JMJD1C: variants seen among roughly 807,000 people sequenced by gnomAD.
JMJD1C encodes the protein jumonji domain-containing protein 1C.
Under a neutral mutation model 245.3 loss-of-function variants are expected in JMJD1C, and 31 were observed. The ratio of observed to expected loss-of-function variants is 0.13; its 90% CI spans 0.09 to 0.17. The LOEUF (loss-of-function observed/expected upper bound fraction) is 0.17. JMJD1C is among the 10% of genes least tolerant of loss of function. The pLI is 1.00. For missense variants in JMJD1C, 2,691 were observed against 3,000.2 expected (o/e 0.90, Z 2.41); for synonymous variants, 1,057 against 1,017.4 (o/e 1.04, Z -0.74).
intron 1 of JMJD1C, among the ~76,000 whole-genome samples, chr10:63,488,276 G>A (rs1159358507): frequency 6.6e-6 from 1 of 152,190 alleles, no homozygotes; most frequent in African/African-American, 2.4e-5. Flanking sequence ...ACAAAGTGGT[G>A]ATCCATCAGA....
chr10:63,237,382 GT>G (rs1378717237), intron 3 of JMJD1C, among the ~76,000 whole-genome samples: 2 of 152,252 alleles, frequency 1.3e-5, no homozygotes, highest in African/African-American at 2.4e-5. Context: ...TGCAATGAAT[GT>G]AACTTCCAAA....
Position 63,503,208 on chromosome 10 carries a change from T to G in JMJD1C, n.113+18530A>C, listed in dbSNP as rs1301604000. Reference sequence around the variant, plus strand: ...GGCCATTTTTAATACTTCCAAAATCTAAATGAAACAATCATTTAAATGTGA... The same window carrying G: ...GGCCATTTTTAATACTTCCAAAATCGAAATGAAACAATCATTTAAATGTGA... On this transcript the variant is annotated intron_variant and non_coding_transcript_variant, in intron 1 of 3. Coordinates refer to the JMJD1C transcript ENST00000633035. 2.6e-5 allele frequency among the ~76,000 whole-genome samples: 4 copies of G among 152,194 alleles called. No homozygotes were observed. The East Asian group carries it at 7.7e-4, about 29-fold the overall frequency.
chr10:63,362,479 ATATAT>A (rs1423751572), intron 2 of JMJD1C, among the ~76,000 whole-genome samples: 1 of 21,922 alleles, frequency 4.6e-5, no homozygotes, highest in African/African-American at 6.6e-5. Flanking sequence ...TTATTTATAT[ATATAT>A]TTATTTATTT....
intron 1 of JMJD1C, among the ~76,000 whole-genome samples, chr10:63,436,241 G>A (rs1006926329): frequency 1.3e-5 from 2 of 152,186 alleles, no homozygotes; most frequent in African/African-American, 2.4e-5. Flanking sequence ...ATTTCTGTAA[G>A]CTAACCATAA....
chr10:63,207,372 C>A lies in JMJD1C; in HGVS notation c.4297G>T (p.Val1433Leu). 6.2e-7 allele frequency: 1 copy of A among 1,613,968 alleles called. No homozygotes were observed. The highest frequency in any genetic ancestry group is 8.5e-7 in the Non-Finnish European group (1 of 1,180,030). The change falls in exon 10 of 26, where the codon GTA becomes TTA. Residue 1433 changes from valine to leucine, a missense_variant. Val to Leu is a conservative substitution (Grantham distance 32, BLOSUM62 1). This residue lies in a region of JMJD1C where 1,562 missense variants were observed against 1,490.7 expected (regional missense o/e 1.05). Coordinates refer to ENST00000399262, the MANE Select transcript of JMJD1C (RefSeq NM_032776.3). ...TILASTSSEC[V>L]SSKSVSQPVA... Reference sequence around the variant, plus strand: ...GGCTGACTGACACTTTTTGAAGATACACATTCTGATGATGTAGAGGCCAAA... The same window carrying A: ...GGCTGACTGACACTTTTTGAAGATAAACATTCTGATGATGTAGAGGCCAAA...
At chr10:63,510,081 C>T (rs964058869) in intron 1 of JMJD1C, among the ~76,000 whole-genome samples, 1 of 151,744 alleles carries the variant, frequency 6.6e-6, no homozygotes. Context: ...CGGCTCACTG[C>T]AAGCTCCGCC....
intron 1 of JMJD1C, among the ~76,000 whole-genome samples, chr10:63,503,107 T>G (rs1254180030): frequency 6.6e-6 from 1 of 152,172 alleles, no homozygotes; most frequent in African/African-American, 2.4e-5. Context: ...AAGATATATT[T>G]AAAGACAAAG....
At chr10:63,220,818 G>C (rs980252766) in intron 3 of JMJD1C, among the ~76,000 whole-genome samples, 1 of 151,894 alleles carries the variant, frequency 6.6e-6, no homozygotes, top group Admixed American at 6.6e-5. Context: ...TTTTAAAGTG[G>C]ACAGGCAGGG....
intron 3 of JMJD1C, among the ~76,000 whole-genome samples, chr10:63,248,650 G>C (rs933842711): frequency 1.3e-5 from 2 of 152,070 alleles, no homozygotes; most frequent in African/African-American, 4.8e-5. Flanking sequence ...AATTAGTAGC[G>C]TTATTGTGAA....
At chr10:63,361,586 G>C (rs1233055803) in intron 2 of JMJD1C, among the ~76,000 whole-genome samples, 1 of 151,830 alleles carries the variant, frequency 6.6e-6, no homozygotes, top group Non-Finnish European at 1.5e-5. Flanking sequence ...TTAAAAATCA[G>C]CTTCCTCTCA....
At chr10:63,281,132 T>C (rs574095782) in intron 2 of JMJD1C, among the ~76,000 whole-genome samples, 16 of 82,462 alleles carry the variant, frequency 1.9e-4, no homozygotes, top group Non-Finnish European at 3.2e-4. Context: ...ACACCCGGCC[T>C]TTTTTTTTTT....
intron 1 of JMJD1C, among the ~76,000 whole-genome samples, chr10:63,424,997 A>C (rs546844206): frequency 1.2e-4 from 18 of 152,292 alleles, no homozygotes; most frequent in East Asian, 1.2e-3. Flanking sequence ...TCACCAACTT[A>C]CCAGCTTGAA....
intron 22 of JMJD1C, among the ~76,000 whole-genome samples, chr10:63,181,835 T>C (rs1843524122): frequency 1.3e-5 from 2 of 152,186 alleles, no homozygotes; most frequent in Non-Finnish European, 2.9e-5. Flanking sequence ...TGTAACTCCA[T>C]GGCATCACAG....
chr10:63,308,606 T>C (rs529126547), intron 2 of JMJD1C, among the ~76,000 whole-genome samples: 29 of 120,740 alleles, frequency 2.4e-4, no homozygotes, highest in African/African-American at 8.0e-4. Flanking sequence ...TAAGCTGCTA[T>C]AGGAAAAAAA....
At chr10:63,321,258 G>C (rs1413446015) in intron 2 of JMJD1C, among the ~76,000 whole-genome samples, 1 of 152,210 alleles carries the variant, frequency 6.6e-6, no homozygotes, top group Non-Finnish European at 1.5e-5. Flanking sequence ...TCTGACCTTT[G>C]TGAATTGCTC....
chr10:63,256,154 T>C (rs1273699408), intron 3 of JMJD1C, among the ~76,000 whole-genome samples: 4 of 152,192 alleles, frequency 2.6e-5, no homozygotes, highest in African/African-American at 4.8e-5. Flanking sequence ...CAGTGACTTA[T>C]AAATGTTTTT....
intron 1 of JMJD1C, 122 bp downstream of exon 1, chr10:63,465,373 C>G: frequency 9.4e-7 from 1 of 1,061,320 alleles, no homozygotes; most frequent in Non-Finnish European, 1.3e-6. Flanking sequence ...AAGGGTTCAG[C>G]AGAGGGGCGT....
chr10:63,355,750 A>T (rs954193140), intron 2 of JMJD1C, among the ~76,000 whole-genome samples: 6 of 152,168 alleles, frequency 3.9e-5, no homozygotes, highest in African/African-American at 1.4e-4. Context: ...TTATTAAAAA[A>T]AAAAAGGTAA....
intron 1 of JMJD1C, among the ~76,000 whole-genome samples, chr10:63,455,832 A>C (rs1952374005): frequency 6.6e-6 from 1 of 152,178 alleles, no homozygotes; most frequent in Admixed American, 6.5e-5. Context: ...AAAGAAAGCA[A>C]TTCAAAAAGG....
Sources: allele counts gnomAD v4.1 joint callset (sites outside exome capture counted in the v4.1 genomes callset), GRCh38; gene constraint gnomAD v4.1.1; regional missense constraint gnomAD v4.1.1; transcripts MANE v1.5; gene names NCBI Gene and HGNC (gene_info 2026-07-23, HGNC 2026-07-21).